SMC5: variants seen among roughly 807,000 people sequenced by gnomAD.
SMC5 encodes structural maintenance of chromosomes 5.
Under a neutral mutation model 148.3 loss-of-function variants are expected in SMC5, and 88 were observed. The observed-to-expected ratio is 0.59, with a 90% CI of 0.50 to 0.71. The LOEUF (loss-of-function observed/expected upper bound fraction) is 0.71, where lower values mean the gene tolerates loss of function less well. Ranked by LOEUF, SMC5 falls within the 30% of genes least tolerant of loss-of-function variation. The probability of loss-of-function intolerance (pLI) is 0.00; values close to 1 mark genes in which losing one functional copy is unlikely to be tolerated. For synonymous variants in SMC5, 421 were observed against 432.8 expected (o/e 0.97, Z 0.34); for missense variants, 1,142 against 1,298.9 (o/e 0.88, Z 1.86).
In SMC5 at chr9:70,350,158, A is replaced by C. The variant is rs564692541; in HGVS notation, c.2934A>C (p.Arg978=). 6.2e-7 allele frequency: 1 copy of C among 1,611,576 alleles called. No homozygotes were observed. Among genetic ancestry groups the C allele is most frequent in the South Asian group, 1.1e-5 (1 of 90,458 alleles). Residue 978 remains arginine (R), a synonymous_variant, in exon 23 of 25, where the codon CGA becomes CGC. Transcript: ENST00000361138. ...GAATTCGAATTAGAGTCAAATTTCGAAGTAGTACTCAACTGCATGAATTAA... is the reference window on the plus strand; with the variant it reads ...GAATTCGAATTAGAGTCAAATTTCGCAGTAGTACTCAACTGCATGAATTAA... The part of the protein sequence containing the change: ...KYGIRIRVKF[R]SSTQLHELTP...
intron 3 of SMC5, among the ~76,000 whole-genome samples, chr9:70,270,795 C>T (rs559439564): frequency 6.6e-6 from 1 of 151,880 alleles, no homozygotes; most frequent in East Asian, 1.9e-4. Context: ...TACAAGCACC[C>T]ACCACCACAC....
chr9:70,283,587 A>C (rs866186505), intron 7 of SMC5, among the ~76,000 whole-genome samples: 16 of 152,320 alleles, frequency 1.1e-4, no homozygotes, highest in Middle Eastern at 3.4e-3. Context: ...TTTATGCTAT[A>C]TATAGGTAAT....
rs769112727 is a variant in SMC5 at position 70,315,571 on chromosome 9, T to A, written c.1799T>A (p.Ile600Asn). The change falls in exon 13 of 25, where the codon ATT becomes AAT. Residue 600 changes from isoleucine to asparagine, a missense_variant. Physicochemically the swap from Ile to Asn is moderately radical, Grantham distance 149. Transcript: ENST00000361138. ...PVGTEKTRER[I>N]ERVIQETRLK... is the part of the protein sequence containing the mutation. ...GGAACTGAAAAGACCAGAGAAAGAA[T>A]TGAACGGGTAGGAAAGTAGTGAATC... is the stretch of plus-strand genomic sequence containing the variant. 1.3e-6 allele frequency: 2 copies of A among 1,576,084 alleles called. No homozygotes were observed. Among genetic ancestry groups the A allele is most frequent in the East Asian group, 4.5e-5 (2 of 44,086 alleles).
Position 70,282,553 on chromosome 9 carries a change from T to C in SMC5, c.951T>C (p.Arg317=). ...GAATTGAAGAAATGGAAAACGAGCG[T>C]CACAATTTGGAGGCTCGAATCAAAG... ...TCRIEEMENE[R]HNLEARIKEK... Residue 317 remains arginine, a synonymous_variant, in exon 7 of 25, where the codon CGT becomes CGC. Transcript: ENST00000361138. 6.9e-6 allele frequency: 11 copies of C among 1,587,982 alleles called. No individual in the cohort carries two copies. Among genetic ancestry groups the C allele is most frequent in the Non-Finnish European group, 8.5e-6 (10 of 1,171,066 alleles).
chr9:70,315,673 T>A, intron 13 of SMC5, 95 bp downstream of exon 13: 1 of 1,011,766 alleles, frequency 9.9e-7, no homozygotes, highest in Non-Finnish European at 1.4e-6. Flanking sequence ...TGTCAGAATT[T>A]AAGTAAGTCT....
At chr9:70,304,539 T>G (rs2035446502) in intron 10 of SMC5, among the ~76,000 whole-genome samples, 1 of 152,068 alleles carries the variant, frequency 6.6e-6, no homozygotes, top group Non-Finnish European at 1.5e-5. Flanking sequence ...ATACAAAAAT[T>G]AGCTGGGCAT....
chr9:70,311,862 T>C (rs537812126), intron 11 of SMC5: 3 of 152,248 alleles, frequency 2.0e-5, no homozygotes, highest in South Asian at 2.1e-4. Flanking sequence ...TTCTTTTTTT[T>C]CCCAATCTTT....
At chr9:70,319,815 C>T (rs1242493234) in intron 15 of SMC5, among the ~76,000 whole-genome samples, 3 of 152,234 alleles carry the variant, frequency 2.0e-5, no homozygotes, top group South Asian at 2.1e-4. Context: ...ATATTTCAAA[C>T]GTTGACATAT....
intron 17 of SMC5, among the ~76,000 whole-genome samples, chr9:70,325,188 C>G (rs1367408038): frequency 6.6e-6 from 1 of 152,166 alleles, no homozygotes; most frequent in Non-Finnish European, 1.5e-5. Context: ...TATCCCCATC[C>G]TGAGTCATAT....
chr9:70,277,266 T>C, intron 3 of SMC5, 44 bp from the exon 4 acceptor site: 1 of 1,318,192 alleles, frequency 7.6e-7, no homozygotes, highest in Middle Eastern at 2.7e-4. Flanking sequence ...TAAACTAATG[T>C]ATATATTTTG....
chr9:70,290,875 G>A (rs2035039182), intron 8 of SMC5, among the ~76,000 whole-genome samples: 1 of 152,156 alleles, frequency 6.6e-6, no homozygotes, highest in Non-Finnish European at 1.5e-5. Flanking sequence ...ACAGAAAAAG[G>A]GTTAAAGCCC....
rs183127343 is a variant in SMC5 at position 70,299,494 on chromosome 9, G to A, written c.1310-552G>A. On this transcript the variant is annotated intron_variant, in intron 9 of 24. Coordinates refer to ENST00000361138, the MANE Select transcript of SMC5 (RefSeq NM_015110.4). ...ATGGTTATCATTTGTAATTTCTCTC[G>A]TGCCTTTTCTGTGTTATAAACCTAT... is the stretch of plus-strand genomic sequence containing the variant. Among the ~76,000 whole-genome samples the A allele has an allele frequency of 1.5e-3, 226 of 151,738 alleles. 3 individuals are homozygous for A. In the Middle Eastern group the frequency reaches 0.024, roughly 16 times the overall value.
At chr9:70,292,875 G>A (rs771890281) in intron 8 of SMC5, among the ~76,000 whole-genome samples, 18 of 152,064 alleles carry the variant, frequency 1.2e-4, no homozygotes, top group Non-Finnish European at 2.2e-4. Flanking sequence ...GTGTATAAGT[G>A]TATAATTCTT....
chr9:70,261,510 T>C (rs1485051383), intron 1 of SMC5, among the ~76,000 whole-genome samples: 2 of 152,194 alleles, frequency 1.3e-5, no homozygotes, highest in Non-Finnish European at 2.9e-5. Flanking sequence ...GGGAGCAGTT[T>C]GAGGAGAATA....
chr9:70,319,174 T>C (rs78164291), intron 15 of SMC5, among the ~76,000 whole-genome samples: 10,502 of 152,298 alleles, frequency 0.069, 577 homozygotes, highest in East Asian at 0.22. Flanking sequence ...TTCCAGTCTC[T>C]GGACTCCTTT....
At chr9:70,334,065 T>C (rs981152280) in intron 17 of SMC5, among the ~76,000 whole-genome samples, 1 of 151,880 alleles carries the variant, frequency 6.6e-6, no homozygotes. Context: ...AAAGTAGATA[T>C]ATATGGATCA....
chr9:70,302,268 G>A (rs1274359232), intron 10 of SMC5, among the ~76,000 whole-genome samples: 1 of 152,048 alleles, frequency 6.6e-6, no homozygotes, highest in African/African-American at 2.4e-5. Flanking sequence ...AGAGACTGAG[G>A]GGGTGGAACG....
rs2035254859 is a variant in SMC5, at chr9:70,298,117, C to T, written c.1205C>T (p.Ala402Val). Residue 402 changes from alanine (A) to valine (V), a missense_variant, in exon 9 of 25, where the codon GCC (alanine) becomes GTC (valine). Physicochemically the swap from Ala to Val is moderately conservative, Grantham distance 64. Transcript: ENST00000361138. ...GAGAATCTTCAGCCCCAGATTGATG[C>T]CATTACAAATGATCTGAGACGGATT... ...NCENLQPQID[A>V]ITNDLRRIQD... 3.1e-6 allele frequency: 5 copies of T among 1,613,802 alleles called. No homozygotes were observed. Among genetic ancestry groups the T allele is most frequent in the Middle Eastern group, 1.6e-4 (1 of 6,084 alleles).
chr9:70,348,225 TG>T (rs2036718500), intron 22 of SMC5, among the ~76,000 whole-genome samples, 187 bp downstream of exon 22: 1 of 152,184 alleles, frequency 6.6e-6, no homozygotes, highest in South Asian at 2.1e-4. Flanking sequence ...GGGGGGGTTA[TG>T]TTTGGAATTA....
Sources: allele counts gnomAD v4.1 joint callset (sites outside exome capture counted in the v4.1 genomes callset), GRCh38; gene constraint gnomAD v4.1.1; transcripts MANE v1.5; gene names NCBI Gene and HGNC (gene_info 2026-07-23, HGNC 2026-07-21).